TCHH: variants seen among roughly 807,000 people sequenced by gnomAD.
TCHH encodes the protein trichohyalin.
TCHH carries 6 observed loss-of-function variants against 6.3 expected under a neutral mutation model. The ratio of observed to expected loss-of-function variants is 0.95; its 90% CI spans 0.52 to 1.88. The LOEUF is 1.88. Ranked by LOEUF, TCHH falls within the 40% of genes most tolerant of loss-of-function variation. The pLI is 0.01. For missense variants in TCHH, 2,920 were observed against 2,449.1 expected, an observed-to-expected ratio of 1.19 and a Z score of -4.06; for synonymous variants, 1,087 against 963.6, an observed-to-expected ratio of 1.13 and a Z score of -2.37.
At position 152,111,459 on chromosome 1, in the gene TCHH, G is replaced by C. The variant is rs766795716; in HGVS notation, c.1758C>G (p.Arg586=). ...DQLLKREEER[R]QQRLKREQEE... ...CCTGCTCGCGCTTCAGCCGCTGCTG[G>C]CGCCTCTCCTCCTCGCGCTTCAGCA... Residue 586 remains arginine (R), a synonymous_variant, in exon 3 of 3, where the codon CGC becomes CGG. Transcript: ENST00000614923. 6.3e-6 allele frequency: 10 copies of C among 1,591,748 alleles called. No individual in the cohort carries two copies. Among genetic ancestry groups the C allele is most frequent in the Non-Finnish European group, 1.7e-6 (2 of 1,174,126 alleles).
rs1320212998 is a variant in TCHH, at chr1:152,111,102, C to T, written c.2115G>A (p.Gln705=). The stretch of plus-strand genomic sequence containing the variant: ...CGTCGGCCTCGCTTTCTAGCTGCCA[C>T]TGCCACTTCGGGATGCGGCTCTTAA... ...ERIKSRIPKW[Q]WQLESEADAR... Residue 705 remains glutamine, a synonymous_variant, in exon 3 of 3, where the codon CAG becomes CAA. Transcript: ENST00000614923. The T allele has an allele frequency of 1.2e-6, 2 of 1,613,722 alleles. No individual in the cohort carries two copies. Among genetic ancestry groups the T allele is most frequent in the East Asian group, 2.2e-5 (1 of 44,850 alleles).
chr1:152,113,351 GCCTACGCA>G (rs1292286145), intron 2 of TCHH, among the ~76,000 whole-genome samples: 1 of 152,196 alleles, frequency 6.6e-6, no homozygotes, highest in Non-Finnish European at 1.5e-5. Context: ...TAGCAGGTAA[GCCTACGCA>G]CCTTAGAGGC....
At position 152,108,481 on chromosome 1, in the gene TCHH, C is replaced by T. The variant is rs1433556203; in HGVS notation, c.4736G>A (p.Arg1579Lys). The T allele has an allele frequency of 1.2e-6, 2 of 1,612,820 alleles. No individual in the cohort carries two copies. The highest frequency in any genetic ancestry group is 1.3e-5 in the African/African-American group (1 of 74,636). ...EQQLSRQERD[R>K]KFRLEEQKVR... ...TTTCTGTTCCTCTAAACGGAATTTT[C>T]TGTCACGCTCTTGGCGGCTCAGCTG... Residue 1579 changes from arginine to lysine, a missense_variant, in exon 3 of 3, where the codon AGA becomes AAA. Physicochemically the swap from Arg to Lys is conservative, Grantham distance 26. Transcript: ENST00000614923.
rs776318606 is a variant in TCHH, at chr1:152,110,684, G to A, written c.2533C>T (p.Arg845Cys). ...EEEEQLQRRE[R>C]AQQLQEEEDG... is the part of the protein sequence containing the mutation. ...TCCTCCTCCTGGAGCTGTTGGGCACGCTCCCGCCGCTGGAGCTGCTCCTCT... is the reference window on the plus strand; with the variant it reads ...TCCTCCTCCTGGAGCTGTTGGGCACACTCCCGCCGCTGGAGCTGCTCCTCT... Residue 845 changes from arginine (R) to cysteine (C), a missense_variant, in exon 3 of 3, where the codon CGT (arginine) becomes TGT (cysteine). Transcript: ENST00000614923. 1.2e-6 allele frequency: 2 copies of A among 1,612,034 alleles called. No homozygotes were observed. Among genetic ancestry groups the A allele is most frequent in the South Asian group, 2.2e-5 (2 of 91,060 alleles).
rs778011547 is a variant in TCHH at position 152,109,997 on chromosome 1, G to C, written c.3220C>G (p.Gln1074Glu). 5.9e-5 allele frequency: 90 copies of C among 1,534,708 alleles called. No homozygotes were observed. The highest frequency in any genetic ancestry group is 4.9e-4 in the Admixed American group (26 of 52,672). The change falls in exon 3 of 3, where the codon CAG becomes GAG. Residue 1074 changes from glutamine to glutamate, a missense_variant. Physicochemically the swap from Gln to Glu is conservative, Grantham distance 29 (BLOSUM62 2). Coordinates refer to ENST00000614923, the MANE Select transcript of TCHH (RefSeq NM_007113.4). ...TTCCGATATTGCCTCTCCAGCTCCT[G>C]GCGCCTTCTCGTCTCCCGTTCCTCT... ...LGEERETRRR[Q>E]ELERQYRKEE...
chr1:152,108,239 G>A lies in TCHH; in HGVS notation c.4978C>T (p.Gln1660Ter). The part of the protein sequence containing the change: ...PQLRRQEREQ[Q>*]LRHDRDRKFR... ...TTTCTGTCGCGGTCGTGACGCAGCT[G>A]TTGTTCGCGCTCCTGGCGGCGCAGC... is the stretch of plus-strand genomic sequence containing the variant. The change falls in exon 3 of 3, where the codon CAG becomes TAG. Residue 1660 changes from glutamine to a stop codon, truncating the protein, a stop_gained. Coordinates refer to ENST00000614923, the MANE Select transcript of TCHH (RefSeq NM_007113.4). LOFTEE classifies it low-confidence loss of function (END_TRUNC). The A allele has an allele frequency of 6.3e-7, 1 of 1,600,000 alleles. No individual in the cohort carries two copies. The highest frequency in any genetic ancestry group is 8.5e-7 in the Non-Finnish European group (1 of 1,175,696).
Position 152,108,935 on chromosome 1 carries a change from G to C in TCHH, c.4282C>G (p.Arg1428Gly). The C allele has an allele frequency of 6.2e-7, 1 of 1,612,734 alleles. No homozygotes were observed. Residue 1428 changes from arginine to glycine, a missense_variant, in exon 3 of 3, where the codon CGT becomes GGT. Arg to Gly is a moderately radical substitution (Grantham distance 125). Coordinates refer to ENST00000614923, the MANE Select transcript of TCHH (RefSeq NM_007113.4). ...EEEQQLSRQE[R>G]DRKFREEEQQ... ...TCCTCTTCACGGAATTTTCTGTCAC[G>C]CTCTTGGCGGCTCAGCTGCTGTTCC... is the stretch of plus-strand genomic sequence containing the variant.
rs774930387 is a variant in TCHH, at chr1:152,110,667, C to T, written c.2550G>A (p.Gln850=). ...LQRRERAQQL[Q]EEEDGLQEDQ... ...CCTCCTGGAGGCCGTCCTCCTCCTC[C>T]TGGAGCTGTTGGGCACGCTCCCGCC... The change falls in exon 3 of 3, where the codon CAG becomes CAA. Residue 850 remains glutamine, a synonymous_variant. Transcript: ENST00000614923. The T allele has an allele frequency of 5.0e-6, 8 of 1,613,514 alleles. No individual in the cohort carries two copies. Among genetic ancestry groups the T allele is most frequent in the Non-Finnish European group, 6.8e-6 (8 of 1,179,992 alleles).
In TCHH at chr1:152,112,302, TTGCTGCTCGCGCCTCAGCCTTTGCTGC is replaced by T. The variant is rs1658403562; in HGVS notation, c.888_914del (p.Gln297_Gln305del). The T allele has an allele frequency of 7.6e-6, 11 of 1,442,580 alleles. No homozygotes were observed. Among genetic ancestry groups the T allele is most frequent in the Non-Finnish European group, 1.0e-5 (11 of 1,087,750 alleles). 89.4% of individuals were successfully genotyped at this position (1,442,580 alleles called of 1,614,324 possible). A position where few individuals can be genotyped will look rare whatever the true frequency, so the allele number is the denominator to read the frequency against. ...TCTCCTCCTCCTGCTTGCGCCTTAG[TTGCTGCTCGCGCCTCAGCCTTTGCTGC>T]TGCTGCTCTTCCTCCTGGCGCTCCC... is the stretch of plus-strand genomic sequence containing the variant. On this transcript the variant is annotated inframe_deletion, in exon 3 of 3. Coordinates refer to ENST00000614923, the MANE Select transcript of TCHH (RefSeq NM_007113.4).
In TCHH at chr1:152,109,226, G is replaced by A. The variant is rs375049917; in HGVS notation, c.3991C>T (p.Arg1331Cys). The change falls in exon 3 of 3, where the codon CGT (arginine) becomes TGT (cysteine). Residue 1331 changes from arginine to cysteine, a missense_variant. Arg to Cys is a radical substitution (Grantham distance 180). Transcript: ENST00000614923. ...CGGAATTTTCTGTCTGTCTCTTGAC[G>A]GCGTCTCTTCTCTTCTCTTTCCTCT... The part of the protein sequence containing the change: ...LREEREEKRR[R>C]QETDRKFREE... The A allele has an allele frequency of 5.9e-5, 95 of 1,614,232 alleles. No individual in the cohort carries two copies. In the Middle Eastern group the frequency reaches 1.5e-3, roughly 25 times the overall value.
Position 152,108,295 on chromosome 1 carries a change from C to G in TCHH, c.4922G>C (p.Arg1641Pro). The G allele has an allele frequency of 2.5e-6, 4 of 1,611,698 alleles. No individual in the cohort carries two copies. Among genetic ancestry groups the G allele is most frequent in the Non-Finnish European group, 3.4e-6 (4 of 1,179,392 alleles). Residue 1641 changes from arginine (R) to proline (P), a missense_variant, in exon 3 of 3, where the codon CGT (arginine) becomes CCT (proline). Transcript: ENST00000614923. The stretch of plus-strand genomic sequence containing the variant: ...TTCCTCCTCGAGGAATTTTCTGTCA[C>G]GCTCTTGGCGGTGCAGCTGCTGTTC... Reference protein sequence around the residue: ...REEQQLHRQERDRKFLEEEPQ... With the variant: ...REEQQLHRQEPDRKFLEEEPQ...
chr1:152,108,381 C>G lies in TCHH; in HGVS notation c.4836G>C (p.Gln1612His). ...QQLRRQEGQQ[Q>H]LRQERDRKFR... ...ATTTTCTGTCGCGCTCCTGGCGCAG[C>G]TGTTGTTGGCCCTCCTGGCGGCGCA... The change falls in exon 3 of 3, where the codon CAG becomes CAC. Residue 1612 changes from glutamine to histidine, a missense_variant. By Grantham distance (24) the Gln-to-His change is conservative. Coordinates refer to ENST00000614923, the MANE Select transcript of TCHH (RefSeq NM_007113.4). 1 of 1,608,872 alleles carries G rather than the reference C, an allele frequency of 6.2e-7. No homozygotes were observed. The highest frequency in any genetic ancestry group is 8.5e-7 in the Non-Finnish European group (1 of 1,178,162).
At position 152,109,240 on chromosome 1, in the gene TCHH, TCTC is replaced by T. The variant is rs915333230; in HGVS notation, c.3974_3976del (p.Arg1325_Glu1326delinsLys). On this transcript the variant is annotated inframe_deletion, in exon 3 of 3. Transcript: ENST00000614923. ...TGTCTCTTGACGGCGTCTCTTCTCT[TCTC>T]TTTCCTCTCTCAGCAACTGCTTTTC... 7 of 1,614,148 alleles carry T rather than the reference TCTC, an allele frequency of 4.3e-6. No individual in the cohort carries two copies. The highest frequency in any genetic ancestry group is 5.9e-6 in the Non-Finnish European group (7 of 1,180,050).
chr1:152,111,228 C>A lies in TCHH; in HGVS notation c.1989G>T (p.Glu663Asp), dbSNP rs201786902. The A allele has an allele frequency of 6.2e-6, 10 of 1,608,234 alleles. No homozygotes were observed. The highest frequency in any genetic ancestry group is 4.4e-5 in the South Asian group (4 of 90,512). Residue 663 changes from glutamate to aspartate, a missense_variant, in exon 3 of 3, where the codon GAG becomes GAT. Physicochemically the swap from Glu to Asp is conservative, Grantham distance 45. Transcript: ENST00000614923. ...GCCGCTGCTCGAGCCTCTCTTCCTC[C>A]TCCTCGCGCTTCAGCCGCTGCTCGC... ...ERREQRLKREEEEERLEQRLK... is the reference protein window; with the variant it reads ...ERREQRLKREDEEERLEQRLK...
At position 152,110,615 on chromosome 1, in the gene TCHH, G is replaced by A; in HGVS notation, c.2602C>T (p.Gln868Ter). The A allele has an allele frequency of 6.2e-7, 1 of 1,614,174 alleles. No individual in the cohort carries two copies. Among genetic ancestry groups the A allele is most frequent in the African/African-American group, 1.3e-5 (1 of 75,050 alleles). ...EDQERRRSQE[Q>*]RRDQKWRWQL... Reference sequence around the variant, plus strand: ...CACCTCCATTTTTGGTCGCGGCGCTGCTCCTGGCTTCGCCTCCTCTCCTGA... The same window carrying A: ...CACCTCCATTTTTGGTCGCGGCGCTACTCCTGGCTTCGCCTCCTCTCCTGA... The change falls in exon 3 of 3, where the codon CAG becomes TAG. Residue 868 changes from glutamine to a stop codon, truncating the protein, a stop_gained. Coordinates refer to ENST00000614923, the MANE Select transcript of TCHH (RefSeq NM_007113.4). LOFTEE classifies it low-confidence loss of function (END_TRUNC).
chr1:152,113,155 T>G (rs888047126), intron 2 of TCHH, 77 bp from the exon 3 acceptor site: 4 of 1,339,584 alleles, frequency 3.0e-6, no homozygotes, highest in African/African-American at 3.0e-5. Flanking sequence ...CATGATATAT[T>G]TTATGCTATG....
chr1:152,114,949 A>G (rs1484499768), intron 1 of TCHH, among the ~76,000 whole-genome samples: 1 of 152,242 alleles, frequency 6.6e-6, no homozygotes, highest in Non-Finnish European at 1.5e-5. Flanking sequence ...TTATAAGAAT[A>G]CATGGAATGG....
rs1202192541 is a variant in TCHH at position 152,107,037 on chromosome 1, A to G, written c.*348T>C. The G allele has an allele frequency of 1.1e-5, 2 of 180,962 alleles. No individual in the cohort carries two copies. Among genetic ancestry groups the G allele is most frequent in the Non-Finnish European group, 1.1e-5 (1 of 87,272 alleles). 11.2% of individuals were successfully genotyped at this position (180,962 alleles called of 1,614,324 possible). A position where few individuals can be genotyped will look rare whatever the true frequency, so the allele number is the denominator to read the frequency against. ...AACCGACCCATTGTTTAGAATCTCAAATCATCCTATTACTCTTGTTACTTC... is the reference window on the plus strand; with the variant it reads ...AACCGACCCATTGTTTAGAATCTCAGATCATCCTATTACTCTTGTTACTTC... On this transcript the variant is annotated 3_prime_UTR_variant, in exon 3 of 3. Coordinates refer to ENST00000614923, the MANE Select transcript of TCHH (RefSeq NM_007113.4).
Position 152,112,806 on chromosome 1 carries a change from G to A in TCHH, c.411C>T (p.Arg137=). 1 of 1,613,916 alleles carries A rather than the reference G, an allele frequency of 6.2e-7. No individual in the cohort carries two copies. Among genetic ancestry groups the A allele is most frequent in the Non-Finnish European group, 8.5e-7 (1 of 1,180,002 alleles). The change falls in exon 3 of 3, where the codon CGC becomes CGT. Residue 137 remains arginine (R), a synonymous_variant. Transcript: ENST00000614923. ...TCTCCTGTTCCTGCCTCTTCTGCCT[G>A]CGTCGTTGCCCAGGTTCTTCTTCCA... ...RQLEEEPGQR[R]RQKRQEQERE...
Sources: allele counts gnomAD v4.1 joint callset (sites outside exome capture counted in the v4.1 genomes callset), GRCh38; gene constraint gnomAD v4.1.1; transcripts MANE v1.5; gene names NCBI Gene and HGNC (gene_info 2026-07-23, HGNC 2026-07-21).